Variants in PTPRG observed in about 807,000 individuals in gnomAD.
The protein encoded by PTPRG is protein tyrosine phosphatase receptor type G.
PTPRG carries 102 observed loss-of-function variants against 165.3 expected under a neutral mutation model. That is an observed-to-expected ratio of 0.62 (90% CI 0.53 to 0.73). The LOEUF is 0.73. Ranked by LOEUF, PTPRG falls within the 30% of genes least tolerant of loss-of-function variation. The pLI, the probability that PTPRG is intolerant of heterozygous loss-of-function variation, is 0.00. For missense variants in PTPRG, 1,866 were observed against 1,861.4 expected, an observed-to-expected ratio of 1.00 and a Z score of -0.05; for synonymous variants, 675 against 669.5, an observed-to-expected ratio of 1.01 and a Z score of -0.13.
intron 1 of PTPRG, among the ~76,000 whole-genome samples, chr3:61,732,565 C>T (rs1302257975): frequency 3.7e-5 from 5 of 135,444 alleles, no homozygotes; most frequent in East Asian, 2.2e-4. Flanking sequence ...AAAAATTAGC[C>T]GCGCATGATG....
In PTPRG at chr3:62,228,436, G is replaced by T. The variant is rs1700815431; in HGVS notation, c.2289-2789G>T. ...ACTTGGGAGGCTGAGGCAGAGAATT[G>T]CTTAAAATCAGAGGATGCAGTAGGT... On this transcript the variant is annotated intron_variant, in intron 13 of 29. Coordinates refer to ENST00000474889, the MANE Select transcript of PTPRG (RefSeq NM_002841.4). The surrounding 1 kb of genome is among the most constrained non-coding windows in gnomAD (Gnocchi z 4.1). Among the ~76,000 whole-genome samples the T allele has an allele frequency of 6.6e-6, 1 of 151,314 alleles. No homozygotes were observed. The highest frequency in any genetic ancestry group is 1.5e-5 in the Non-Finnish European group (1 of 67,900).
chr3:61,571,881 A>G (rs962405823), intron 1 of PTPRG, among the ~76,000 whole-genome samples: 3 of 152,208 alleles, frequency 2.0e-5, no homozygotes, highest in Non-Finnish European at 2.9e-5. Context: ...GGAACTAGCC[A>G]TGGGAGCCAG....
intron 2 of PTPRG, among the ~76,000 whole-genome samples, chr3:61,794,318 A>G (rs545082805): frequency 1.4e-4 from 21 of 152,048 alleles, no homozygotes; most frequent in South Asian, 6.2e-4. Flanking sequence ...TTATTTTTCT[A>G]TTGCCATCTG....
chr3:62,188,757 G>T (rs1699727240), intron 8 of PTPRG, among the ~76,000 whole-genome samples: 1 of 152,134 alleles, frequency 6.6e-6, no homozygotes, highest in African/African-American at 2.4e-5. Context: ...TTGCTATTTG[G>T]AGCAGGGGAA....
chr3:61,929,417 A>C (rs1197536744), intron 2 of PTPRG, among the ~76,000 whole-genome samples: 1 of 152,174 alleles, frequency 6.6e-6, no homozygotes, highest in Non-Finnish European at 1.5e-5. Flanking sequence ...AGTGATTTTC[A>C]AGTGACCCCG....
At position 61,759,472 on chromosome 3, in the gene PTPRG, AAGTG is replaced by A. The variant is rs2033757202; in HGVS notation, c.190+10493_190+10496del. ...GAGTTCGAGACCAGCTTGGGAAACAAAGTGAGGACCTGTCTCTACAAAAAAATTA... is the reference window on the plus strand; with the variant it reads ...GAGTTCGAGACCAGCTTGGGAAACAAAGGACCTGTCTCTACAAAAAAATTA... On this transcript the variant is annotated intron_variant, in intron 2 of 29. Coordinates refer to ENST00000474889, the MANE Select transcript of PTPRG (RefSeq NM_002841.4). Among the ~76,000 whole-genome samples the A allele has an allele frequency of 2.0e-5, 3 of 151,918 alleles. No homozygotes were observed. The South Asian group carries it at 6.3e-4, about 32-fold the overall frequency.
chr3:61,895,375 A>AT (rs1014623525), intron 2 of PTPRG, among the ~76,000 whole-genome samples: 4 of 152,194 alleles, frequency 2.6e-5, no homozygotes, highest in Non-Finnish European at 2.9e-5. Context: ...GAGTACCTTC[A>AT]TGGTTATTAA....
intron 4 of PTPRG, among the ~76,000 whole-genome samples, chr3:62,039,898 G>A (rs1258099316): frequency 6.6e-6 from 1 of 152,112 alleles, no homozygotes; most frequent in Non-Finnish European, 1.5e-5. Flanking sequence ...TATCTTCTCA[G>A]CCTCCAAGTG....
chr3:61,876,415 G>T (rs1166450896), intron 2 of PTPRG, among the ~76,000 whole-genome samples: 1 of 152,164 alleles, frequency 6.6e-6, no homozygotes, highest in Admixed American at 6.5e-5. Context: ...AGTTAATTCT[G>T]TCACGCTCGT....
At chr3:61,870,008 C>G (rs185408972) in intron 2 of PTPRG, among the ~76,000 whole-genome samples, 1 of 152,108 alleles carries the variant, frequency 6.6e-6, no homozygotes, top group Non-Finnish European at 1.5e-5. Flanking sequence ...TCCCCTCCCC[C>G]TTCGACTTGT....
At chr3:61,808,773 A>C (rs536812593) in intron 2 of PTPRG, among the ~76,000 whole-genome samples, 2 of 152,130 alleles carry the variant, frequency 1.3e-5, no homozygotes, top group South Asian at 4.2e-4. Flanking sequence ...AGTGAAGGTT[A>C]TTCTTAAACC....
chr3:61,690,872 T>G (rs1329719077), intron 1 of PTPRG, among the ~76,000 whole-genome samples: 2 of 152,142 alleles, frequency 1.3e-5, no homozygotes, highest in African/African-American at 4.8e-5. Flanking sequence ...ATTTTAGATC[T>G]CAGAGCTGTC....
At chr3:62,087,543 A>T (rs144290967) in intron 5 of PTPRG, among the ~76,000 whole-genome samples, 2 of 152,322 alleles carry the variant, frequency 1.3e-5, no homozygotes, top group East Asian at 3.9e-4. Context: ...CTTAATCTTC[A>T]CTGGGACCCC....
At position 61,887,965 on chromosome 3, in the gene PTPRG, AAAGT is replaced by A. The variant is rs150874510; in HGVS notation, c.191-101655_191-101652del. Reference sequence around the variant, plus strand: ...GCTCTGGAGAATACCAAAATGGATTAAAGTAAGTCCAAGTAAAAAAACCAAAAAA... The same window carrying A: ...GCTCTGGAGAATACCAAAATGGATTAAAGTCCAAGTAAAAAAACCAAAAAA... On this transcript the variant is annotated intron_variant, in intron 2 of 29. Transcript: ENST00000474889. 4.1e-3 allele frequency among the ~76,000 whole-genome samples: 620 copies of A among 152,328 alleles called. 3 individuals are homozygous for A. Among genetic ancestry groups the A allele is most frequent in the African/African-American group, 0.014 (583 of 41,580 alleles).
chr3:61,628,085 T>G (rs1198792986), intron 1 of PTPRG, among the ~76,000 whole-genome samples: 1 of 152,202 alleles, frequency 6.6e-6, no homozygotes, highest in Non-Finnish European at 1.5e-5. Flanking sequence ...GTCTCAACAT[T>G]AAGCCATTAT....
At chr3:61,622,214 C>G (rs546891362) in intron 1 of PTPRG, among the ~76,000 whole-genome samples, 1 of 152,290 alleles carries the variant, frequency 6.6e-6, no homozygotes, top group South Asian at 2.1e-4. Context: ...AACAGGTAAT[C>G]AAATAACTAA....
At chr3:62,188,252 G>A (rs1699715190) in intron 8 of PTPRG, among the ~76,000 whole-genome samples, 1 of 152,164 alleles carries the variant, frequency 6.6e-6, no homozygotes. Flanking sequence ...GTATGCACCT[G>A]TAGTCCTAGC....
intron 1 of PTPRG, among the ~76,000 whole-genome samples, chr3:61,666,317 T>G (rs1702812996): frequency 6.6e-6 from 1 of 152,254 alleles, no homozygotes; most frequent in African/African-American, 2.4e-5. Context: ...ATGGGAACTC[T>G]CATTTGATAG....
At chr3:61,648,431 A>C (rs574060022) in intron 1 of PTPRG, among the ~76,000 whole-genome samples, 38 of 152,326 alleles carry the variant, frequency 2.5e-4, no homozygotes, top group African/African-American at 8.2e-4. Context: ...GCTTGCTCCT[A>C]CCAGGCTACA....
Sources: gnomAD v4.1 joint callset for allele counts (sites outside exome capture counted in the v4.1 genomes callset) on GRCh38, gnomAD v4.1.1 for gene constraint, Gnocchi (gnomAD v3.1) non-coding constraint, MANE v1.5 for transcripts, NCBI Gene and HGNC (gene_info 2026-07-23, HGNC 2026-07-21) for gene names.